PLCH1: variants seen among roughly 807,000 people sequenced by gnomAD.
The protein encoded by PLCH1 is phospholipase C eta 1, also known as 1-phosphatidylinositol 4,5-bisphosphate phosphodiesterase eta-1.
A neutral mutation model predicts 126.7 loss-of-function variants in PLCH1; 60 were observed. The observed-to-expected ratio is 0.47, with a 90% CI of 0.38 to 0.59. The LOEUF (loss-of-function observed/expected upper bound fraction) is 0.59. PLCH1 is among the 20% of genes least tolerant of loss of function. PLCH1 has a pLI of 0.00. For missense variants in PLCH1, 1,723 were observed against 2,040.0 expected (o/e 0.84, Z 2.99); for synonymous variants, 719 against 734.9 (o/e 0.98, Z 0.35).
chr3:155,743,668 C>T (rs75712386), intron 1 of PLCH1: 5,358 of 382,602 alleles, frequency 0.014, 87 homozygotes, highest in East Asian at 0.086. Flanking sequence ...AAACTACCGC[C>T]TCTTCTGGGA....
At chr3:155,743,910 G>T (rs1749799025) in intron 1 of PLCH1, among the ~76,000 whole-genome samples, 3 of 152,064 alleles carry the variant, frequency 2.0e-5, no homozygotes, top group African/African-American at 7.3e-5. Context: ...CCCCTTTTCG[G>T]GACAGAGGGG....
chr3:155,687,645 G>A (rs1577320841), intron 2 of PLCH1, among the ~76,000 whole-genome samples: 2 of 152,078 alleles, frequency 1.3e-5, no homozygotes, highest in East Asian at 3.9e-4. Flanking sequence ...TTCCCAGATG[G>A]GTTCTTAGAA....
At chr3:155,520,259 G>A (rs887407999) in intron 11 of PLCH1, among the ~76,000 whole-genome samples, 7 of 152,150 alleles carry the variant, frequency 4.6e-5, no homozygotes, top group Non-Finnish European at 1.0e-4. Flanking sequence ...TGTTTTAAAC[G>A]AACAAGATTC....
chr3:155,587,021 G>A (rs536156884), intron 4 of PLCH1, among the ~76,000 whole-genome samples: 14 of 152,140 alleles, frequency 9.2e-5, no homozygotes, highest in Admixed American at 5.9e-4. Context: ...GACTTTAAAC[G>A]TTATCCCTTT....
chr3:155,619,498 T>TAAAAAAAAAAAAAAAAAAAAAAAAGA (rs1553857946), intron 2 of PLCH1, among the ~76,000 whole-genome samples: 1 of 133,522 alleles, frequency 7.5e-6, no homozygotes. Context: ...ACAGAAAAAG[T>TAAAAAAAAAAAAAAAAAAAAAAAAGA]AAAAAAAAAA....
intron 10 of PLCH1, among the ~76,000 whole-genome samples, chr3:155,527,279 TATC>T (rs985968073): frequency 1.3e-5 from 2 of 152,200 alleles, no homozygotes; most frequent in African/African-American, 4.8e-5. Flanking sequence ...AATTTCTAAA[TATC>T]ATCCCAGGCT....
At chr3:155,715,548 GC>G (rs1038836689) in intron 1 of PLCH1, among the ~76,000 whole-genome samples, 4 of 150,812 alleles carry the variant, frequency 2.7e-5, no homozygotes, top group African/African-American at 7.3e-5. Context: ...CAAGTGATCT[GC>G]CTGCCTCAGC....
intron 2 of PLCH1, among the ~76,000 whole-genome samples, chr3:155,652,937 A>G (rs1346166201): frequency 6.6e-6 from 1 of 152,082 alleles, no homozygotes; most frequent in Non-Finnish European, 1.5e-5. Context: ...CACCTACCTC[A>G]GCCTCCCACT....
intron 2 of PLCH1, among the ~76,000 whole-genome samples, chr3:155,645,900 C>T (rs575852137): frequency 1.3e-3 from 195 of 152,202 alleles, no homozygotes; most frequent in African/African-American, 4.4e-3. Context: ...AAGCAAAGAA[C>T]TAGTGAGGCA....
At chr3:155,613,005 A>G (rs796659876) in intron 2 of PLCH1, among the ~76,000 whole-genome samples, 36 of 152,224 alleles carry the variant, frequency 2.4e-4, no homozygotes, top group African/African-American at 8.4e-4. Flanking sequence ...AAGATCATTC[A>G]AGGTTCCCAT....
chr3:155,506,635 G>C (rs1718796995), intron 12 of PLCH1, among the ~76,000 whole-genome samples: 1 of 143,606 alleles, frequency 7.0e-6, no homozygotes, highest in African/African-American at 2.6e-5. Flanking sequence ...AGTTTACTGA[G>C]AATGATGGTT....
chr3:155,538,287 C>T (rs938501442), intron 10 of PLCH1, among the ~76,000 whole-genome samples: 1 of 151,882 alleles, frequency 6.6e-6, no homozygotes, highest in African/African-American at 2.4e-5. Flanking sequence ...ATGCCTATGT[C>T]AAAAGTCTGA....
chr3:155,718,697 C>CA (rs1364238264), intron 1 of PLCH1, among the ~76,000 whole-genome samples: 2 of 152,140 alleles, frequency 1.3e-5, no homozygotes, highest in African/African-American at 4.8e-5. Flanking sequence ...TTCGAGATGT[C>CA]ACTTACTATT....
chr3:155,483,339 T>C, intron 22 of PLCH1: 1 of 1,529,262 alleles, frequency 6.5e-7, no homozygotes, highest in Non-Finnish European at 8.9e-7. Context: ...ACTTTTACAG[T>C]GAGGATTACC....
intron 8 of PLCH1, among the ~76,000 whole-genome samples, chr3:155,554,676 T>A (rs1726577552): frequency 6.6e-6 from 1 of 152,220 alleles, no homozygotes; most frequent in Non-Finnish European, 1.5e-5. Context: ...TGATTTTCAT[T>A]TCATTAATAC....
At chr3:155,624,305 G>A (rs1451832267) in intron 2 of PLCH1, among the ~76,000 whole-genome samples, 1 of 152,124 alleles carries the variant, frequency 6.6e-6, no homozygotes, top group Admixed American at 6.5e-5. Context: ...TACTGAATGG[G>A]CAAAAACTGG....
chr3:155,518,209 A>G (rs1285444276), intron 11 of PLCH1, among the ~76,000 whole-genome samples: 1 of 152,224 alleles, frequency 6.6e-6, no homozygotes, highest in Non-Finnish European at 1.5e-5. Context: ...TTGGGCCATG[A>G]TTGACTGCAG....
chr3:155,500,802 A>T lies in PLCH1; in HGVS notation c.1705-8T>A. On this transcript the variant is annotated splice_polypyrimidine_tract_variant and splice_region_variant and intron_variant, in intron 13 of 22. Coordinates refer to ENST00000460012, the MANE Select transcript of PLCH1 (RefSeq NM_014996.4). ...CCGTGATTTTGTAGTTTTCTGCCAG[A>T]AAAATCAAAACAAACTTAACAAACT... 1 of 1,571,914 alleles carries T rather than the reference A, an allele frequency of 6.4e-7. No individual in the cohort carries two copies. Among genetic ancestry groups the T allele is most frequent in the Non-Finnish European group, 8.8e-7 (1 of 1,141,962 alleles).
At chr3:155,605,704 C>T (rs1468801943) in intron 2 of PLCH1, among the ~76,000 whole-genome samples, 2 of 152,210 alleles carry the variant, frequency 1.3e-5, no homozygotes, top group East Asian at 1.9e-4. Context: ...AATGGCAGCC[C>T]GAGTTCAACT....
Sources: allele counts gnomAD v4.1 joint callset (sites outside exome capture counted in the v4.1 genomes callset), GRCh38; gene constraint gnomAD v4.1.1; transcripts MANE v1.5; gene names NCBI Gene and HGNC (gene_info 2026-07-23, HGNC 2026-07-21).